Variants in ELF1 observed in about 807,000 individuals in gnomAD.
The protein encoded by ELF1 is ETS-related transcription factor Elf-1.
In ELF1, 24 loss-of-function variants were observed where a neutral mutation model predicts 59.9. That is an observed-to-expected ratio of 0.40 (90% confidence interval 0.29 to 0.56). ELF1 has a LOEUF of 0.56. Among genes scored for constraint, ELF1 ranks in the 20% least tolerant of loss-of-function variants. ELF1 has a pLI of 0.44. For missense variants in ELF1, 627 were observed against 742.2 expected, an observed-to-expected ratio of 0.84 and a Z score of 1.80; for synonymous variants, 248 against 266.2, an observed-to-expected ratio of 0.93 and a Z score of 0.67.
Position 40,941,131 on chromosome 13 carries a change from T to C in ELF1, c.1046A>G (p.Asn349Ser), listed in dbSNP as rs1461010809. The stretch of plus-strand genomic sequence containing the variant: ...ATCTTTGGGTTTTGCAGCTTTAGAA[T>C]TCCCTGGTTTTAGAACTGTAGTGGC... The part of the protein sequence containing the change: ...GGATTVLKPG[N>S]SKAAKPKDPV... The change falls in exon 8 of 9, where the codon AAT (asparagine) becomes AGT (serine). Residue 349 changes from asparagine to serine, a missense_variant. By Grantham distance (46) the Asn-to-Ser change is conservative. Transcript: ENST00000239882. 1.2e-6 allele frequency: 2 copies of C among 1,614,184 alleles called. No individual in the cohort carries two copies. Among genetic ancestry groups the C allele is most frequent in the East Asian group, 2.2e-5 (1 of 44,876 alleles).
chr13:41,059,305 T>C (rs554506618), intron 1 of ELF1, among the ~76,000 whole-genome samples: 3 of 152,370 alleles, frequency 2.0e-5, no homozygotes, highest in East Asian at 3.9e-4. Flanking sequence ...TTCCATTCAG[T>C]ATTCTATCCA....
intron 1 of ELF1, among the ~76,000 whole-genome samples, chr13:41,035,735 A>G (rs1876348953): frequency 1.3e-5 from 2 of 151,606 alleles, no homozygotes; most frequent in Non-Finnish European, 2.9e-5. Context: ...AAGAAAAAAA[A>G]AAAAAAAGGA....
At chr13:40,955,087 C>T (rs1316844032) in intron 3 of ELF1, among the ~76,000 whole-genome samples, 1 of 150,612 alleles carries the variant, frequency 6.6e-6, no homozygotes, top group Non-Finnish European at 1.5e-5. Flanking sequence ...AGGAGCGTCT[C>T]TGCCCGGCTG....
intron 1 of ELF1, among the ~76,000 whole-genome samples, chr13:41,050,045 CG>C (rs1164949644): frequency 6.6e-6 from 1 of 152,146 alleles, no homozygotes; most frequent in Non-Finnish European, 1.5e-5. Flanking sequence ...TAGAACAAAA[CG>C]TATTATCTTA....
chr13:41,038,960 C>A (rs934422207), intron 1 of ELF1, among the ~76,000 whole-genome samples: 14 of 148,664 alleles, frequency 9.4e-5, no homozygotes, highest in Non-Finnish European at 2.1e-4. Flanking sequence ...TTGCAGTGAA[C>A]CCAGATTGCA....
chr13:40,997,317 G>A (rs1874179913), intron 1 of ELF1, among the ~76,000 whole-genome samples: 1 of 151,692 alleles, frequency 6.6e-6, no homozygotes, highest in Non-Finnish European at 1.5e-5. Context: ...GAGTGCAGTG[G>A]TGCAATCTCG....
chr13:40,968,606 T>C lies in ELF1; in HGVS notation c.73-9590A>G, dbSNP rs186245605. The stretch of plus-strand genomic sequence containing the variant: ...TTCCAAAGCCCAGTACAAAGTTTTC[T>C]GTGAAGAATTCTTCATAGCCAAATT... On this transcript the variant is annotated intron_variant, in intron 2 of 8. Coordinates refer to ENST00000239882, the MANE Select transcript of ELF1 (RefSeq NM_172373.4). Among the ~76,000 whole-genome samples the C allele has an allele frequency of 5.7e-3, 872 of 152,326 alleles. 8 individuals are homozygous for C. Among genetic ancestry groups the C allele is most frequent in the South Asian group, 0.014 (69 of 4,832 alleles).
intron 1 of ELF1, among the ~76,000 whole-genome samples, chr13:41,055,015 A>G (rs1432717621): frequency 6.6e-6 from 1 of 152,176 alleles, no homozygotes; most frequent in Non-Finnish European, 1.5e-5. Flanking sequence ...TCATTCATTC[A>G]TTCAAATGTT....
intron 1 of ELF1, among the ~76,000 whole-genome samples, chr13:41,034,501 TAAGA>T (rs1876294475): frequency 6.6e-6 from 1 of 152,172 alleles, no homozygotes; most frequent in Admixed American, 6.5e-5. Context: ...CCAGAATCTT[TAAGA>T]AAGAATACAG....
intron 5 of ELF1, among the ~76,000 whole-genome samples, chr13:40,945,820 C>T (rs1057242980): frequency 6.6e-6 from 1 of 152,104 alleles, no homozygotes; most frequent in African/African-American, 2.4e-5. Context: ...ATGTTTTAAT[C>T]CACACATGAT....
At chr13:41,025,708 A>G (rs928781146) in intron 1 of ELF1, among the ~76,000 whole-genome samples, 8 of 152,226 alleles carry the variant, frequency 5.3e-5, no homozygotes, top group African/African-American at 1.9e-4. Context: ...TAGACAGCAA[A>G]CAAAAGAGAC....
intron 3 of ELF1, among the ~76,000 whole-genome samples, chr13:40,954,624 T>A (rs1034626120): frequency 1.3e-5 from 2 of 152,180 alleles, no homozygotes; most frequent in Admixed American, 1.3e-4. Context: ...GTTTTCGTAT[T>A]TTTTTGGTGG....
At chr13:41,016,940 A>T (rs1223749701) in intron 1 of ELF1, among the ~76,000 whole-genome samples, 14 of 96,850 alleles carry the variant, frequency 1.4e-4, no homozygotes, top group African/African-American at 5.7e-4. Context: ...AAAAAAAAAA[A>T]AAAAAAAATA....
intron 4 of ELF1, among the ~76,000 whole-genome samples, chr13:40,951,029 T>C (rs1870814001): frequency 6.6e-6 from 1 of 152,174 alleles, no homozygotes; most frequent in South Asian, 2.1e-4. Context: ...ATTATAATCA[T>C]TTGGGCCCTT....
At chr13:41,036,969 G>T in intron 1 of ELF1, among the ~76,000 whole-genome samples, 1 of 151,814 alleles carries the variant, frequency 6.6e-6, no homozygotes, top group Non-Finnish European at 1.5e-5. Context: ...TGGGGGGAGT[G>T]GGGAGGGATA....
intron 3 of ELF1, among the ~76,000 whole-genome samples, chr13:40,954,665 G>A (rs1871103592): frequency 1.3e-5 from 2 of 152,190 alleles, no homozygotes. Flanking sequence ...GGCCGGGCTG[G>A]TCTCCAGCTC....
intron 1 of ELF1, among the ~76,000 whole-genome samples, chr13:40,995,525 A>G (rs1874083662): frequency 6.6e-6 from 1 of 152,174 alleles, no homozygotes; most frequent in African/African-American, 2.4e-5. Context: ...AACAAAATAG[A>G]TCAATGGAAC....
chr13:40,946,036 T>C (rs12868769), intron 5 of ELF1, among the ~76,000 whole-genome samples: 23,364 of 152,024 alleles, frequency 0.15, 2,091 homozygotes, highest in East Asian at 0.33. Flanking sequence ...TTAGCAGAGA[T>C]TGCGTTTCAC....
intron 3 of ELF1, among the ~76,000 whole-genome samples, chr13:40,956,750 T>C (rs1188930492): frequency 6.6e-6 from 1 of 151,182 alleles, no homozygotes; most frequent in African/African-American, 2.4e-5. Context: ...TGGAGTGCAG[T>C]GGTGAGATCT....
Sources: gnomAD v4.1 joint callset for allele counts (sites outside exome capture counted in the v4.1 genomes callset) on GRCh38, gnomAD v4.1.1 for gene constraint, MANE v1.5 for transcripts, NCBI Gene and HGNC (gene_info 2026-07-23, HGNC 2026-07-21) for gene names.